The following KIAA1328 variants were observed in gnomAD, a reference collection of about 807,000 sequenced individuals.
KIAA1328 encodes the protein protein hinderin.
Under a neutral mutation model 68.1 loss-of-function variants are expected in KIAA1328, and 52 were observed. That is an observed-to-expected ratio of 0.76 (90% confidence interval 0.61 to 0.96). The LOEUF (loss-of-function observed/expected upper bound fraction) is 0.96. KIAA1328 is among the 40% of genes least tolerant of loss of function. The probability of loss-of-function intolerance (pLI) is 0.00; values close to 1 mark genes in which losing one functional copy is unlikely to be tolerated. For synonymous variants in KIAA1328, 232 were observed against 239.4 expected (o/e 0.97, Z 0.28); for missense variants, 641 against 677.6 (o/e 0.95, Z 0.60).
In KIAA1328 at chr18:36,973,826, CACAT is replaced by C. The variant is rs1377497560; in HGVS notation, c.576+14395_576+14398del. On this transcript the variant is annotated intron_variant, in intron 6 of 9. Coordinates refer to ENST00000280020, the MANE Select transcript of KIAA1328 (RefSeq NM_020776.3). ...GTGTACGCACATACACACACACACA[CACAT>C]ACACACACACACACACACACATATA... is the stretch of plus-strand genomic sequence containing the variant. Among the ~76,000 whole-genome samples, 10 of 100,030 alleles carry C rather than the reference CACAT, an allele frequency of 1.0e-4. No individual in the cohort carries two copies. The South Asian group carries it at 1.5e-3, about 15-fold the overall frequency. 65.6% of individuals were successfully genotyped at this position (100,030 alleles called of 152,430 possible).
intron 6 of KIAA1328, among the ~76,000 whole-genome samples, chr18:37,062,091 A>G (rs1303200565): frequency 1.3e-5 from 2 of 152,222 alleles, no homozygotes; most frequent in African/African-American, 4.8e-5. Context: ...GCAGTGCAAC[A>G]TGTTAGTGTA....
chr18:36,862,474 C>CT (rs887234494), intron 4 of KIAA1328, among the ~76,000 whole-genome samples: 9 of 151,418 alleles, frequency 5.9e-5, no homozygotes, highest in Admixed American at 3.3e-4. Flanking sequence ...TGACTGACTT[C>CT]TTTTTTTTTA....
At chr18:37,075,275 C>T (rs1476397173) in intron 7 of KIAA1328, 1 of 152,132 alleles carries the variant, frequency 6.6e-6, no homozygotes, top group Non-Finnish European at 1.5e-5. Flanking sequence ...TACAGACAAG[C>T]AAATGCTGAG....
intron 6 of KIAA1328, among the ~76,000 whole-genome samples, chr18:37,047,145 C>T (rs929748923): frequency 2.0e-5 from 3 of 152,138 alleles, no homozygotes; most frequent in Admixed American, 6.5e-5. Context: ...GCCTAGTCTC[C>T]TGAATCTCCA....
intron 3 of KIAA1328, among the ~76,000 whole-genome samples, chr18:36,840,866 C>T (rs758160999): frequency 1.4e-4 from 22 of 151,856 alleles, no homozygotes; most frequent in Non-Finnish European, 2.6e-4. Context: ...GGAAGCAGAC[C>T]GCGAGATGGA....
At chr18:36,844,118 T>C in intron 3 of KIAA1328, 90 bp from the exon 4 acceptor site, 1 of 744,272 alleles carries the variant, frequency 1.3e-6, no homozygotes, top group Non-Finnish European at 2.2e-6. Flanking sequence ...AGAAAAGATA[T>C]CTAAGAAATT....
intron 7 of KIAA1328, among the ~76,000 whole-genome samples, chr18:37,098,665 G>A (rs541054372): frequency 6.6e-6 from 1 of 152,234 alleles, no homozygotes; most frequent in Admixed American, 6.5e-5. Flanking sequence ...GTTCCTCCTT[G>A]TACCTCTGGT....
At chr18:36,871,252 G>C (rs940546810) in intron 4 of KIAA1328, among the ~76,000 whole-genome samples, 1 of 152,114 alleles carries the variant, frequency 6.6e-6, no homozygotes, top group African/African-American at 2.4e-5. Flanking sequence ...TAAAAATCTA[G>C]CCAAAGGAAA....
intron 7 of KIAA1328, among the ~76,000 whole-genome samples, chr18:37,152,318 T>A (rs936619774): frequency 9.2e-5 from 14 of 151,988 alleles, no homozygotes; most frequent in Non-Finnish European, 2.1e-4. Flanking sequence ...GCAAATTGAG[T>A]CAAGGAAACT....
At chr18:37,123,764 G>A (rs997661) in intron 7 of KIAA1328, among the ~76,000 whole-genome samples, 20,629 of 152,074 alleles carry the variant, frequency 0.14, 1,739 homozygotes, top group Admixed American at 0.18. Context: ...TAGAAAGAGT[G>A]GAACAACCGT....
chr18:37,091,897 GC>G (rs1175462909), intron 7 of KIAA1328, among the ~76,000 whole-genome samples: 1 of 152,170 alleles, frequency 6.6e-6, no homozygotes, highest in African/African-American at 2.4e-5. Context: ...CCTGAGAGCT[GC>G]CTATTGAGGG....
chr18:37,077,001 T>G (rs1263031202), intron 7 of KIAA1328, among the ~76,000 whole-genome samples: 1 of 152,144 alleles, frequency 6.6e-6, no homozygotes, highest in African/African-American at 2.4e-5. Flanking sequence ...AGCATCACCC[T>G]GATACCAAAG....
At chr18:36,997,400 A>C (rs1377796815) in intron 6 of KIAA1328, among the ~76,000 whole-genome samples, 1 of 152,174 alleles carries the variant, frequency 6.6e-6, no homozygotes, top group Non-Finnish European at 1.5e-5. Context: ...ACTTTCCAAC[A>C]CAGGGAAAGG....
At chr18:37,065,840 G>C (rs911932592) in intron 6 of KIAA1328, among the ~76,000 whole-genome samples, 9 of 152,148 alleles carry the variant, frequency 5.9e-5, no homozygotes, top group African/African-American at 1.9e-4. Context: ...CCATGTTTCT[G>C]AAATACACTG....
At chr18:36,916,312 C>G (rs1276858282) in intron 5 of KIAA1328, among the ~76,000 whole-genome samples, 1 of 151,992 alleles carries the variant, frequency 6.6e-6, no homozygotes, top group African/African-American at 2.4e-5. Flanking sequence ...GCATATTGAT[C>G]TGTCTTAAAG....
chr18:36,912,781 C>T (rs1487068718), intron 5 of KIAA1328, among the ~76,000 whole-genome samples: 2 of 152,162 alleles, frequency 1.3e-5, no homozygotes, highest in African/African-American at 4.8e-5. Flanking sequence ...CTAGATTAGG[C>T]ATGGGTGAGA....
chr18:37,213,821 A>G (rs1330548885), intron 9 of KIAA1328, among the ~76,000 whole-genome samples: 1 of 152,130 alleles, frequency 6.6e-6, no homozygotes, highest in Non-Finnish European at 1.5e-5. Flanking sequence ...TTATTTCCTG[A>G]CTTTTTAATG....
Sources: allele counts gnomAD v4.1 joint callset (sites outside exome capture counted in the v4.1 genomes callset), GRCh38; gene constraint gnomAD v4.1.1; transcripts MANE v1.5; gene names NCBI Gene and HGNC (gene_info 2026-07-23, HGNC 2026-07-21).